Variants in MTRR observed in about 807,000 individuals in gnomAD.
The protein encoded by MTRR is 5-methyltetrahydrofolate-homocysteine methyltransferase reductase, also known as methionine synthase reductase.
A neutral mutation model predicts 79.2 loss-of-function variants in MTRR; 63 were observed. The ratio of observed to expected loss-of-function variants is 0.80; its 90% confidence interval spans 0.65 to 0.98. The LOEUF is 0.98. Among genes scored for constraint, MTRR ranks in the 50% least tolerant of loss-of-function variants. The pLI is 0.00. For synonymous variants in MTRR, 355 were observed against 313.3 expected (o/e 1.13, Z -1.41); for missense variants, 895 against 839.6 (o/e 1.07, Z -0.82).
At chr5:7,867,856 G>A (rs1363590407), upstream of MTRR, 3 of 1,614,046 alleles carry the variant, frequency 1.9e-6, no homozygotes, top group Admixed American at 3.3e-5. Flanking sequence ...CTGGTCCACC[G>A]AGTGGATGAA....
chr5:7,898,873 G>A (rs1416847290), intron 14 of MTRR, among the ~76,000 whole-genome samples: 3 of 152,116 alleles, frequency 2.0e-5, no homozygotes. Flanking sequence ...TAGATACGAG[G>A]ATATATTAGT....
chr5:7,854,405 C>G (rs752609391), intron 1 of MTRR, among the ~76,000 whole-genome samples: 1 of 151,838 alleles, frequency 6.6e-6, no homozygotes, highest in African/African-American at 2.4e-5. Context: ...TATTAACTCA[C>G]GTGATCACAA....
In MTRR at chr5:7,870,782, A is replaced by G. The variant is rs200331962; in HGVS notation, c.-13A>G. The stretch of plus-strand genomic sequence containing the variant: ...CCCCATTTTTCAGTTTCACTGTTAC[A>G]TGCCTTGAAGTGATGAGGAGGTTTC... On this transcript the variant is annotated 5_prime_UTR_variant, in exon 2 of 15. The change abolishes an upstream ATG in the 5' untranslated region. Coordinates refer to ENST00000440940, the MANE Select transcript of MTRR (RefSeq NM_002454.3). 2.5e-6 allele frequency: 4 copies of G among 1,614,192 alleles called. No individual in the cohort carries two copies. Among genetic ancestry groups the G allele is most frequent in the Non-Finnish European group, 3.4e-6 (4 of 1,180,034 alleles).
intron 8 of MTRR, among the ~76,000 whole-genome samples, chr5:7,887,961 G>T (rs932257313): frequency 2.0e-5 from 3 of 151,214 alleles, no homozygotes; most frequent in African/African-American, 7.3e-5. Flanking sequence ...GAAAATATGG[G>T]TATCCATATT....
intron 6 of MTRR, among the ~76,000 whole-genome samples, 174 bp downstream of exon 6, chr5:7,883,451 T>A (rs867902525): frequency 7.1e-6 from 1 of 139,996 alleles, no homozygotes. Context: ...ATATGCTGAG[T>A]TGTGTGGTGC....
intron 6 of MTRR, 79 bp downstream of exon 6, chr5:7,883,356 A>G: frequency 6.3e-7 from 1 of 1,584,460 alleles, no homozygotes; most frequent in South Asian, 1.1e-5. Context: ...TTGGTTATAT[A>G]TGCTGAGTGG....
intron 1 of MTRR, among the ~76,000 whole-genome samples, chr5:7,860,699 T>A (rs147041370): frequency 0.015 from 2,270 of 152,214 alleles, 29 homozygotes; most frequent in Non-Finnish European, 0.024. Flanking sequence ...GCCTGAAAAA[T>A]CCCTGAGCAG....
At position 7,900,214 on chromosome 5, in the gene MTRR, A is replaced by G. The variant is rs773853952; in HGVS notation, c.*156A>G. The G allele has an allele frequency of 8.3e-5, 69 of 832,164 alleles. No homozygotes were observed. The highest frequency in any genetic ancestry group is 1.2e-4 in the Non-Finnish European group (65 of 540,314). 51.5% of individuals were successfully genotyped at this position (832,164 alleles called of 1,614,324 possible). A position where few individuals can be genotyped will look rare whatever the true frequency, so the allele number is the denominator to read the frequency against. The stretch of plus-strand genomic sequence containing the variant: ...AGATTGGATCATTTAACAATATAAC[A>G]AAACTTCCTGATTTGATTTTACGTA... On this transcript the variant is annotated 3_prime_UTR_variant, in exon 15 of 15. Transcript: ENST00000440940.
chr5:7,895,298 C>A (rs890333557), intron 11 of MTRR, among the ~76,000 whole-genome samples: 1 of 151,984 alleles, frequency 6.6e-6, no homozygotes, highest in South Asian at 2.1e-4. Flanking sequence ...TTGGAGCAGC[C>A]CCTCAATTTC....
intron 1 of MTRR, chr5:7,869,550 G>A (rs1747503783): frequency 3.2e-6 from 1 of 311,492 alleles, no homozygotes; most frequent in South Asian, 3.0e-5. Context: ...GGGGAACTGG[G>A]GAACATGCCG....
upstream of MTRR, chr5:7,866,585 G>A: frequency 7.8e-7 from 1 of 1,289,562 alleles, no homozygotes; most frequent in Admixed American, 2.2e-5. Flanking sequence ...TATGTGACTT[G>A]AAACCACTGC....
chr5:7,856,255 A>G (rs1384261219), intron 1 of MTRR, among the ~76,000 whole-genome samples: 1 of 152,214 alleles, frequency 6.6e-6, no homozygotes, highest in African/African-American at 2.4e-5. Flanking sequence ...CATGTGGCTC[A>G]GCTCATATAG....
chr5:7,880,031 A>G (rs572861808), intron 5 of MTRR, among the ~76,000 whole-genome samples: 1 of 152,390 alleles, frequency 6.6e-6, no homozygotes, highest in South Asian at 2.1e-4. Flanking sequence ...GAAGTGAGGT[A>G]CAAGGTGCAC....
In MTRR at chr5:7,869,224, C is replaced by T. The variant is rs549116052; in HGVS notation, c.-26+9C>T. ...CGGCTGGCGCGGCGTGGGTAAGCTG[C>T]CTGTCGGCTACGGTTCCCGGATTCC... is the stretch of plus-strand genomic sequence containing the variant. On this transcript the variant is annotated intron_variant, in intron 1 of 14. Transcript: ENST00000440940. 2.4e-5 allele frequency: 39 copies of T among 1,604,832 alleles called. 1 individual carries two copies. Among genetic ancestry groups the T allele is most frequent in the South Asian group, 1.9e-4 (17 of 91,070 alleles).
chr5:7,857,315 A>G (rs1027400730), intron 1 of MTRR, among the ~76,000 whole-genome samples: 2 of 152,220 alleles, frequency 1.3e-5, no homozygotes, highest in African/African-American at 4.8e-5. Context: ...TGAATTCATC[A>G]GCATGAGAAT....
intron 1 of MTRR, among the ~76,000 whole-genome samples, chr5:7,852,514 C>T (rs957985685): frequency 2.6e-5 from 4 of 152,122 alleles, no homozygotes; most frequent in African/African-American, 4.8e-5. Context: ...AGTCAAGGGT[C>T]AGACACCTGC....
intron 3 of MTRR, among the ~76,000 whole-genome samples, chr5:7,874,588 CTTTTTT>C (rs5865743): frequency 1.8e-5 from 2 of 108,214 alleles, no homozygotes; most frequent in Non-Finnish European, 3.6e-5. Context: ...GGGATTTAAG[CTTTTTT>C]TTTTTTTTTT....
At position 7,878,094 on chromosome 5, in the gene MTRR, G is replaced by A; in HGVS notation, c.552G>A (p.Leu184=). Residue 184 remains leucine, a synonymous_variant, in exon 5 of 15, where the codon CTG becomes CTA. Coordinates refer to ENST00000440940, the MANE Select transcript of MTRR (RefSeq NM_002454.3). ...GGACAGACCTTGTGAAGTCAGAGCT[G>A]CTACACATTGAATCTCAAGTCGAGC... ...SSRTDLVKSE[L]LHIESQVELL... is the part of the protein sequence containing the mutation. 1 of 1,614,004 alleles carries A rather than the reference G, an allele frequency of 6.2e-7. No individual in the cohort carries two copies. The highest frequency in any genetic ancestry group is 8.5e-7 in the Non-Finnish European group (1 of 1,180,024).
chr5:7,898,181 C>A (rs756780808), intron 14 of MTRR, among the ~76,000 whole-genome samples: 5 of 152,088 alleles, frequency 3.3e-5, no homozygotes, highest in African/African-American at 1.2e-4. Flanking sequence ...GGCAGAAATT[C>A]TAGACATTGT....
Sources: allele counts gnomAD v4.1 joint callset (sites outside exome capture counted in the v4.1 genomes callset), GRCh38; gene constraint gnomAD v4.1.1; transcripts MANE v1.5; gene names NCBI Gene and HGNC (gene_info 2026-07-23, HGNC 2026-07-21).